The following CXXC1 variants were observed in gnomAD, a reference collection of about 807,000 sequenced individuals.
CXXC1 encodes CXXC-type zinc finger protein 1.
CXXC1 carries 21 observed loss-of-function variants against 83.6 expected under a neutral mutation model. That is an observed-to-expected ratio of 0.25 (90% CI 0.18 to 0.36). The LOEUF (loss-of-function observed/expected upper bound fraction) is 0.36, where lower values mean the gene tolerates loss of function less well. Among genes scored for constraint, CXXC1 ranks in the 10% least tolerant of loss-of-function variants. The pLI is 1.00. For synonymous variants in CXXC1, 371 were observed against 337.5 expected, an observed-to-expected ratio of 1.10 and a Z score of -1.09; for missense variants, 688 against 919.5, an observed-to-expected ratio of 0.75 and a Z score of 3.26.
chr18:50,283,452 C>G, intron 12 of CXXC1, 63 bp downstream of exon 12: 1 of 1,609,370 alleles, frequency 6.2e-7, no homozygotes, highest in South Asian at 1.1e-5. Flanking sequence ...CAGCTCCACA[C>G]ACATCCCACT....
Position 50,287,657 on chromosome 18 carries a change from G to A in CXXC1, c.-68C>T, listed in dbSNP as rs1218762256. ...CCCGCGAACCTGCACAGACCACTCG[G>A]CGGCGTCCCAGGCGGTTGCAAAGGC... is the stretch of plus-strand genomic sequence containing the variant. On this transcript the variant is annotated 5_prime_UTR_variant, in exon 1 of 15. Coordinates refer to ENST00000285106, the MANE Select transcript of CXXC1 (RefSeq NM_014593.4). 1.9e-6 allele frequency: 3 copies of A among 1,597,368 alleles called. No homozygotes were observed. Among genetic ancestry groups the A allele is most frequent in the Non-Finnish European group, 2.6e-6 (3 of 1,175,430 alleles).
At chr18:50,286,314 C>T (rs779498081) in intron 3 of CXXC1, 57 bp from the exon 4 acceptor site, 1 of 1,467,490 alleles carries the variant, frequency 6.8e-7, no homozygotes, top group Non-Finnish European at 9.3e-7. Flanking sequence ...TGAATGGTCC[C>T]AAAACCTCTT....
rs1439681352 is a variant in CXXC1 at position 50,285,957 on chromosome 18, A to G, written c.460-29T>C. 8.1e-6 allele frequency: 13 copies of G among 1,613,968 alleles called. No individual in the cohort carries two copies. Among genetic ancestry groups the G allele is most frequent in the Non-Finnish European group, 1.1e-5 (13 of 1,180,016 alleles). ...CAGGAGGGGGCCCAGAACAGAAATC[A>G]TGGACCCAGGCAGGGCTGAAACGGA... On this transcript the variant is annotated intron_variant, in intron 4 of 14. Coordinates refer to ENST00000285106, the MANE Select transcript of CXXC1 (RefSeq NM_014593.4). This position sits in a 1 kb window ranked among gnomAD's most constrained non-coding sequence, Gnocchi z 4.4.
At chr18:50,284,352 C>T in intron 9 of CXXC1, 26 bp downstream of exon 9, 1 of 1,525,788 alleles carries the variant, frequency 6.6e-7, no homozygotes, top group Non-Finnish European at 8.8e-7. Flanking sequence ...TTCCTGACTC[C>T]CTTGAACCTC....
At chr18:50,284,976 A>G (rs2040689634) in intron 7 of CXXC1, 26 bp downstream of exon 7, 1 of 1,613,274 alleles carries the variant, frequency 6.2e-7, no homozygotes, top group African/African-American at 1.3e-5. Flanking sequence ...CCACCCTTCC[A>G]CCAGTGGATG....
chr18:50,287,354 G>GTT, intron 1 of CXXC1: 1 of 573,780 alleles, frequency 1.7e-6, no homozygotes, highest in Non-Finnish European at 3.1e-6. Context: ...CCCGATCATG[G>GTT]TTTCCCACGG....
chr18:50,282,979 G>A lies in CXXC1; in HGVS notation c.1699C>T (p.Pro567Ser). 2 of 1,614,154 alleles carry A rather than the reference G, an allele frequency of 1.2e-6. No homozygotes were observed. The highest frequency in any genetic ancestry group is 1.7e-6 in the Non-Finnish European group (2 of 1,180,038). The change falls in exon 14 of 15, where the codon CCC (proline) becomes TCC (serine). Residue 567 changes from proline to serine, a missense_variant. Pro to Ser is a moderately conservative substitution (Grantham distance 74, BLOSUM62 -1). This residue lies in a region of CXXC1 where 114 missense variants were observed against 173.3 expected (regional missense o/e 0.66). Transcript: ENST00000285106. This position sits in a 1 kb window ranked among gnomAD's most constrained non-coding sequence, Gnocchi z 5.8. ...KVPADEVCGCPLVRDVFELTG... is the reference protein window; with the variant it reads ...KVPADEVCGCSLVRDVFELTG... ...AGCTCAAAGACATCACGTACAAGGGGGCACCCGCATACCTCGTCAGCTGGC... is the reference window on the plus strand; with the variant it reads ...AGCTCAAAGACATCACGTACAAGGGAGCACCCGCATACCTCGTCAGCTGGC...
At chr18:50,287,052 A>G (rs2040726133) in intron 1 of CXXC1, 194 bp from the exon 2 acceptor site, 3 of 587,820 alleles carry the variant, frequency 5.1e-6, no homozygotes, top group Middle Eastern at 4.5e-4. Flanking sequence ...ACTCTGCTCC[A>G]TACTTCCCAT....
intron 1 of CXXC1, 62 bp from the exon 2 acceptor site, chr18:50,286,920 T>C: frequency 2.6e-6 from 3 of 1,154,168 alleles, no homozygotes; most frequent in Non-Finnish European, 3.9e-6. Flanking sequence ...CATCCCCCCA[T>C]TACAACTCCA....
rs2040719599 is a variant in CXXC1 at position 50,286,654 on chromosome 18, G to T, written c.123-15C>A. The T allele has an allele frequency of 2.5e-6, 4 of 1,613,188 alleles. No individual in the cohort carries two copies. Among genetic ancestry groups the T allele is most frequent in the Non-Finnish European group, 3.4e-6 (4 of 1,179,128 alleles). On this transcript the variant is annotated splice_polypyrimidine_tract_variant and intron_variant, in intron 2 of 14. Coordinates refer to ENST00000285106, the MANE Select transcript of CXXC1 (RefSeq NM_014593.4). ...TGTCACACCCGCTGCAGAGGATGGG[G>T]CAGGCGATGGAGATGTGAGGGGCGC... is the stretch of plus-strand genomic sequence containing the variant.
In CXXC1 at chr18:50,285,286, GC is replaced by G; in HGVS notation, c.666+38del. 6.2e-7 allele frequency: 1 copy of G among 1,611,328 alleles called. No homozygotes were observed. The highest frequency in any genetic ancestry group is 8.5e-7 in the Non-Finnish European group (1 of 1,178,008). ...TCTCAGGACTGGCCCTGACCGCCCT[GC>G]CCGCATGCCCCACCCCACCCTGGGG... is the stretch of plus-strand genomic sequence containing the variant. On this transcript the variant is annotated intron_variant, in intron 6 of 14. Coordinates refer to ENST00000285106, the MANE Select transcript of CXXC1 (RefSeq NM_014593.4). This position sits in a 1 kb window ranked among gnomAD's most constrained non-coding sequence, Gnocchi z 4.4.
rs1473675556 is a variant in CXXC1 at position 50,286,550 on chromosome 18, C to A, written c.212G>T (p.Arg71Leu). ...TCCATGGCCCTCACCTCTGCACTCC[C>A]GACAGTACCACTCCCGGATGGCCTT... ...MAKAIREWYC[R>L]ECREKDPKLE... is the part of the protein sequence containing the mutation. The change falls in exon 3 of 15, where the codon CGG (arginine) becomes CTG (leucine). Residue 71 changes from arginine to leucine, a missense_variant. By Grantham distance (102) the Arg-to-Leu change is moderately radical. This residue lies in a region of CXXC1 where 142 missense variants were observed against 150.7 expected (regional missense o/e 0.94). Transcript: ENST00000285106. 1.2e-6 allele frequency: 2 copies of A among 1,614,112 alleles called. No homozygotes were observed. Among genetic ancestry groups the A allele is most frequent in the Non-Finnish European group, 8.5e-7 (1 of 1,179,952 alleles).
At position 50,282,838 on chromosome 18, in the gene CXXC1, C is replaced by T; in HGVS notation, c.1824+16G>A. 2 of 1,613,776 alleles carry T rather than the reference C, an allele frequency of 1.2e-6. No homozygotes were observed. Among genetic ancestry groups the T allele is most frequent in the Non-Finnish European group, 1.7e-6 (2 of 1,179,696 alleles). ...AAACCTACCACATGCAGCACCAAAACCGCACAGAAACCTACCACACGCACG... is the reference window on the plus strand; with the variant it reads ...AAACCTACCACATGCAGCACCAAAATCGCACAGAAACCTACCACACGCACG... On this transcript the variant is annotated intron_variant, in intron 14 of 14. Coordinates refer to ENST00000285106, the MANE Select transcript of CXXC1 (RefSeq NM_014593.4). This position sits in a 1 kb window ranked among gnomAD's most constrained non-coding sequence, Gnocchi z 5.8.
Position 50,285,730 on chromosome 18 carries a change from C to T in CXXC1, c.639+19G>A, listed in dbSNP as rs2040702410. The T allele has an allele frequency of 1.2e-6, 2 of 1,609,094 alleles. No homozygotes were observed. The highest frequency in any genetic ancestry group is 1.1e-5 in the South Asian group (1 of 90,988). ...CAGCTCTCCCACACCTGACCCTACCCAGCTCTGTCCATGCTCACCCGGGCC... is the reference window on the plus strand; with the variant it reads ...CAGCTCTCCCACACCTGACCCTACCTAGCTCTGTCCATGCTCACCCGGGCC... On this transcript the variant is annotated intron_variant, in intron 5 of 14. Coordinates refer to ENST00000285106, the MANE Select transcript of CXXC1 (RefSeq NM_014593.4). The surrounding 1 kb of genome is among the most constrained non-coding windows in gnomAD (Gnocchi z 4.4).
chr18:50,287,006 C>T (rs2040725409), intron 1 of CXXC1, 148 bp from the exon 2 acceptor site: 2 of 636,922 alleles, frequency 3.1e-6, no homozygotes, highest in African/African-American at 1.8e-5. Context: ...CATCACAGTC[C>T]CCACTGACCC....
rs1037457348 is a variant in CXXC1 at position 50,285,536 on chromosome 18, C to G, written c.640-185G>C. The G allele has an allele frequency of 1.1e-6, 1 of 949,948 alleles. No homozygotes were observed. Among genetic ancestry groups the G allele is most frequent in the Non-Finnish European group, 1.6e-6 (1 of 644,078 alleles). The allele number at this position is 949,948 out of a possible 1,614,324, so 58.8% of individuals were successfully genotyped here. ...CATGACCACCTGAAAACACCTGGCC[C>G]CACTCTGTCTACCCAGGGTTGGTGG... On this transcript the variant is annotated intron_variant, in intron 5 of 14. Transcript: ENST00000285106. The surrounding 1 kb of genome is among the most constrained non-coding windows in gnomAD (Gnocchi z 4.4).
chr18:50,287,486 C>T (rs1037095810), intron 1 of CXXC1, 101 bp downstream of exon 1: 2 of 1,403,508 alleles, frequency 1.4e-6, no homozygotes, highest in Non-Finnish European at 2.0e-6. Flanking sequence ...CCACAGACTC[C>T]GGTTATGGCT....
chr18:50,285,322 C>A lies in CXXC1; in HGVS notation c.666+3G>T. ...CCACCCCACCCTGGGGGGCTGGACT[C>A]ACCGAGGAAGGGAAGTACTTGTACG... is the stretch of plus-strand genomic sequence containing the variant. On this transcript the variant is annotated splice_donor_region_variant and intron_variant, in intron 6 of 14. Coordinates refer to ENST00000285106, the MANE Select transcript of CXXC1 (RefSeq NM_014593.4). This position sits in a 1 kb window ranked among gnomAD's most constrained non-coding sequence, Gnocchi z 4.4. The A allele has an allele frequency of 6.2e-7, 1 of 1,604,808 alleles. No individual in the cohort carries two copies. Among genetic ancestry groups the A allele is most frequent in the South Asian group, 1.1e-5 (1 of 89,802 alleles).
chr18:50,284,887 C>T (rs768915322), intron 7 of CXXC1, 48 bp from the exon 8 acceptor site: 1 of 1,613,406 alleles, frequency 6.2e-7, no homozygotes, highest in South Asian at 1.1e-5. Context: ...CGTGACAACC[C>T]CACCACCTAC....
Sources: allele counts gnomAD v4.1 joint callset, GRCh38; gene constraint gnomAD v4.1.1; regional missense constraint gnomAD v4.1.1; non-coding constraint Gnocchi (gnomAD v3.1); transcripts MANE v1.5; gene names NCBI Gene and HGNC (gene_info 2026-07-23, HGNC 2026-07-21).